Variants in UBR1 observed in about 807,000 individuals in gnomAD.
UBR1 encodes the protein ubiquitin protein ligase E3 component n-recognin 1.
UBR1 carries 102 observed loss-of-function variants against 242.1 expected under a neutral mutation model. The ratio of observed to expected loss-of-function variants is 0.42; its 90% confidence interval spans 0.36 to 0.50. UBR1 has a LOEUF of 0.50. UBR1 is among the 20% of genes least tolerant of loss of function. The pLI is 0.01. For missense variants in UBR1, 1,772 were observed against 2,101.8 expected, an observed-to-expected ratio of 0.84 and a Z score of 3.07; for synonymous variants, 675 against 684.8, an observed-to-expected ratio of 0.99 and a Z score of 0.22.
intron 33 of UBR1, among the ~76,000 whole-genome samples, chr15:42,992,237 G>T (rs1041773477): frequency 1.3e-5 from 2 of 152,060 alleles, no homozygotes; most frequent in African/African-American, 4.8e-5. Context: ...AAAACTCTTC[G>T]ATAAGTTTAA....
intron 37 of UBR1, among the ~76,000 whole-genome samples, chr15:42,979,820 A>G (rs2032348453): frequency 6.6e-6 from 1 of 152,168 alleles, no homozygotes; most frequent in African/African-American, 2.4e-5. Context: ...GGCTTCTCAA[A>G]GTGCTGGGAT....
intron 40 of UBR1, among the ~76,000 whole-genome samples, chr15:42,968,471 T>C (rs193262394): frequency 2.3e-4 from 35 of 152,006 alleles, no homozygotes; most frequent in Admixed American, 2.1e-3. Flanking sequence ...GCAATCCTCC[T>C]GCCTTGGCCT....
At chr15:42,952,531 G>T (rs1318325944) in intron 44 of UBR1, 83 bp from the exon 45 acceptor site, 11 of 1,509,722 alleles carry the variant, frequency 7.3e-6, no homozygotes, top group African/African-American at 1.4e-5. Flanking sequence ...TAGCAATCAA[G>T]CATGTTTTCA....
At chr15:43,080,771 T>C (rs1262512005) in intron 3 of UBR1, among the ~76,000 whole-genome samples, 1 of 151,880 alleles carries the variant, frequency 6.6e-6, no homozygotes, top group Non-Finnish European at 1.5e-5. Flanking sequence ...CTTAACATGG[T>C]GAAACCCCGT....
At chr15:42,946,837 G>A (rs1399499843) in intron 46 of UBR1, among the ~76,000 whole-genome samples, 1 of 152,070 alleles carries the variant, frequency 6.6e-6, no homozygotes, top group Non-Finnish European at 1.5e-5. Flanking sequence ...AGGAAAGAAG[G>A]CTGATATAGC....
Position 43,036,540 on chromosome 15 carries a change from G to T in UBR1, c.2076C>A (p.Ile692=), listed in dbSNP as rs1373610793. The part of the protein sequence containing the change: ...KCREEMYDKD[I]IMLQIGASLM... ...TTTAAATAGGTACCTGAAGCATGAT[G>T]ATATCTTTATCATACATTTCTTCTC... The change falls in exon 18 of 47, where the codon ATC becomes ATA. Residue 692 remains isoleucine, a synonymous_variant. Coordinates refer to ENST00000290650, the MANE Select transcript of UBR1 (RefSeq NM_174916.3). 6.3e-7 allele frequency: 1 copy of T among 1,596,314 alleles called. No homozygotes were observed. Among genetic ancestry groups the T allele is most frequent in the South Asian group, 1.1e-5 (1 of 90,606 alleles).
chr15:42,985,767 C>T (rs2032449316), intron 35 of UBR1, among the ~76,000 whole-genome samples: 1 of 151,886 alleles, frequency 6.6e-6, no homozygotes, highest in Admixed American at 6.6e-5. Flanking sequence ...GGCAGGAGGA[C>T]TGCTTGAGCT....
At chr15:43,060,511 AT>A (rs1436691867) in intron 6 of UBR1, among the ~76,000 whole-genome samples, 1 of 152,194 alleles carries the variant, frequency 6.6e-6, no homozygotes, top group African/African-American at 2.4e-5. Flanking sequence ...CTTGTGGCCC[AT>A]TAACGAGCGG....
intron 32 of UBR1, among the ~76,000 whole-genome samples, chr15:43,001,632 C>T (rs1414472535): frequency 2.6e-5 from 4 of 152,016 alleles, no homozygotes; most frequent in Admixed American, 2.6e-4. Flanking sequence ...TCATCATGTA[C>T]AACAGTGAGA....
At chr15:43,040,302 TACAACCA>T (rs2033399881) in intron 15 of UBR1, among the ~76,000 whole-genome samples, 1 of 152,190 alleles carries the variant, frequency 6.6e-6, no homozygotes, top group East Asian at 1.9e-4. Context: ...ACCACACATC[TACAACCA>T]TCTGATCTTT....
intron 27 of UBR1, among the ~76,000 whole-genome samples, chr15:43,019,894 G>A (rs993833671): frequency 7.3e-5 from 11 of 149,996 alleles, no homozygotes; most frequent in Admixed American, 2.0e-4. Context: ...GTGAGCCACC[G>A]TGCCTGGCCG....
At position 42,978,182 on chromosome 15, in the gene UBR1, T is replaced by C. The variant is rs371814242; in HGVS notation, c.4151-235A>G. On this transcript the variant is annotated intron_variant, in intron 37 of 46. Transcript: ENST00000290650. ...TTAAAAGGTAAAATCTAGGTGGAAA[T>C]GGCACGTGAACTAGGACAACTGAAA... Among the ~76,000 whole-genome samples the C allele has an allele frequency of 5.9e-5, 9 of 152,324 alleles. No individual in the cohort carries two copies. In the East Asian group the frequency reaches 1.3e-3, roughly 23 times the overall value.
intron 6 of UBR1, among the ~76,000 whole-genome samples, chr15:43,060,521 G>A (rs563666893): frequency 3.9e-5 from 6 of 152,240 alleles, no homozygotes; most frequent in East Asian, 1.9e-4. Flanking sequence ...ATTAACGAGC[G>A]GGAAGTATAG....
intron 1 of UBR1, among the ~76,000 whole-genome samples, chr15:43,102,687 A>C (rs1276844275): frequency 6.6e-6 from 1 of 152,184 alleles, no homozygotes; most frequent in Non-Finnish European, 1.5e-5. Context: ...CCACCCTCTC[A>C]AAATAATACC....
intron 29 of UBR1, 46 bp from the exon 30 acceptor site, chr15:43,007,330 T>C (rs1200261368): frequency 1.3e-6 from 2 of 1,576,562 alleles, no homozygotes; most frequent in Non-Finnish European, 1.7e-6. Flanking sequence ...TTTTGGTCAC[T>C]TGTCTTCATA....
intron 35 of UBR1, among the ~76,000 whole-genome samples, chr15:42,988,296 C>T (rs762578095): frequency 6.9e-6 from 1 of 144,662 alleles, no homozygotes; most frequent in South Asian, 2.2e-4. Context: ...TGTGTGTGAA[C>T]ACACACACAC....
At chr15:43,015,145 C>T (rs1393893782) in intron 29 of UBR1, among the ~76,000 whole-genome samples, 1 of 152,216 alleles carries the variant, frequency 6.6e-6, no homozygotes, top group Non-Finnish European at 1.5e-5. Context: ...GGAGGTGTAC[C>T]CAACAGCTCA....
intron 3 of UBR1, among the ~76,000 whole-genome samples, chr15:43,079,893 T>A (rs1213001319): frequency 6.6e-6 from 1 of 152,178 alleles, no homozygotes; most frequent in Non-Finnish European, 1.5e-5. Flanking sequence ...AGTAACAACA[T>A]ATGAAACAAT....
At chr15:43,044,138 A>G (rs750782531) in intron 14 of UBR1, among the ~76,000 whole-genome samples, 6 of 152,264 alleles carry the variant, frequency 3.9e-5, no homozygotes, top group Non-Finnish European at 8.8e-5. Context: ...ATAAAATGAA[A>G]GAATTTACGG....
Sources: allele counts gnomAD v4.1 joint callset (sites outside exome capture counted in the v4.1 genomes callset), GRCh38; gene constraint gnomAD v4.1.1; transcripts MANE v1.5; gene names NCBI Gene and HGNC (gene_info 2026-07-23, HGNC 2026-07-21).